Variants in FASTKD1 observed in about 807,000 individuals in gnomAD.
FASTKD1 encodes the protein FAST kinase domain-containing protein 1, mitochondrial.
A neutral mutation model predicts 90.9 loss-of-function variants in FASTKD1; 94 were observed. The ratio of observed to expected loss-of-function variants is 1.03; its 90% CI spans 0.88 to 1.23. The LOEUF is 1.23. Among genes scored for constraint, FASTKD1 ranks in the 50% most tolerant of loss-of-function variants. The probability of loss-of-function intolerance (pLI) is 0.00; values close to 1 mark genes in which losing one functional copy is unlikely to be tolerated. For missense variants in FASTKD1, 945 were observed against 993.5 expected (o/e 0.95, Z 0.66); for synonymous variants, 319 against 345.8 (o/e 0.92, Z 0.86).
chr2:169,566,443 A>C (rs1683990872), intron 3 of FASTKD1, among the ~76,000 whole-genome samples: 2 of 152,284 alleles, frequency 1.3e-5, no homozygotes, highest in South Asian at 2.1e-4. Context: ...TATAATAGAA[A>C]GTTTTTTAAA....
chr2:169,562,234 T>G (rs1380847413), intron 4 of FASTKD1, among the ~76,000 whole-genome samples: 1 of 151,706 alleles, frequency 6.6e-6, no homozygotes, highest in African/African-American at 2.4e-5. Context: ...TTTTTCGTTT[T>G]TTGTTATTGT....
At chr2:169,561,259 G>A (rs966852869) in intron 4 of FASTKD1, among the ~76,000 whole-genome samples, 3 of 151,236 alleles carry the variant, frequency 2.0e-5, no homozygotes, top group African/African-American at 7.3e-5. Context: ...TCCAGTCAGG[G>A]AAACAGAGGG....
chr2:169,563,273 T>C lies in FASTKD1; in HGVS notation c.524A>G (p.Lys175Arg). The C allele has an allele frequency of 6.2e-7, 1 of 1,612,370 alleles. No individual in the cohort carries two copies. The highest frequency in any genetic ancestry group is 8.5e-7 in the Non-Finnish European group (1 of 1,179,556). Residue 175 changes from lysine to arginine, a missense_variant, in exon 4 of 15, where the codon AAA becomes AGA. Physicochemically the swap from Lys to Arg is conservative, Grantham distance 26 (BLOSUM62 2). Transcript: ENST00000453153. ...GTTCCTATGAACAATATCAGCTATT[T>C]TTCCCATTAATGGACTAAAATACAA... ...QHLYFSPLMG[K>R]IADIVHRNLE...
intron 7 of FASTKD1, among the ~76,000 whole-genome samples, chr2:169,549,076 G>A (rs375179144): frequency 2.5e-4 from 36 of 144,758 alleles, no homozygotes; most frequent in South Asian, 1.1e-3. Flanking sequence ...CAGCCTGGGC[G>A]ACAGAGCGAG....
At chr2:169,532,858 A>G (rs1684551839) in intron 12 of FASTKD1, among the ~76,000 whole-genome samples, 2 of 152,204 alleles carry the variant, frequency 1.3e-5, no homozygotes, top group African/African-American at 4.8e-5. Flanking sequence ...CGTATGAGGA[A>G]TAGGTTCCAC....
At chr2:169,570,493 T>C (rs1378113606) in intron 2 of FASTKD1, among the ~76,000 whole-genome samples, 1 of 152,182 alleles carries the variant, frequency 6.6e-6, no homozygotes, top group African/African-American at 2.4e-5. Context: ...TGTTATCAAA[T>C]ATAAATGAAT....
intron 6 of FASTKD1, 25 bp from the exon 7 acceptor site, chr2:169,555,280 T>C: frequency 1.3e-6 from 2 of 1,582,810 alleles, no homozygotes; most frequent in Non-Finnish European, 1.7e-6. Flanking sequence ...GCATATATTA[T>C]AACCAGTTCA....
intron 3 of FASTKD1, among the ~76,000 whole-genome samples, chr2:169,565,889 T>C (rs1354083892): frequency 6.6e-6 from 1 of 152,198 alleles, no homozygotes. Context: ...ATTTTAACTG[T>C]GGTGAGATGA....
Position 169,531,456 on chromosome 2 carries a change from A to T in FASTKD1, c.2223T>A (p.Pro741=). 1 of 1,610,358 alleles carries T rather than the reference A, an allele frequency of 6.2e-7. No individual in the cohort carries two copies. The highest frequency in any genetic ancestry group is 8.5e-7 in the Non-Finnish European group (1 of 1,179,150). Residue 741 remains proline, a synonymous_variant, in exon 13 of 15, where the codon CCT becomes CCA. Coordinates refer to ENST00000453153, the MANE Select transcript of FASTKD1 (RefSeq NM_024622.6). ...FECILDKRKK[P]LPYGSHNIAL... ...CTATATTATGGCTTCCATACGGAAG[A>T]GGTTTTTTTCTTTTATCCAAGATAC...
chr2:169,562,404 G>T (rs942777517), intron 4 of FASTKD1, among the ~76,000 whole-genome samples: 2 of 151,668 alleles, frequency 1.3e-5, no homozygotes, highest in African/African-American at 4.8e-5. Context: ...AGCTAATTTT[G>T]TATTTTTTGT....
intron 7 of FASTKD1, among the ~76,000 whole-genome samples, 179 bp from the exon 8 acceptor site, chr2:169,546,883 G>A (rs957137946): frequency 6.6e-6 from 1 of 152,112 alleles, no homozygotes; most frequent in Non-Finnish European, 1.5e-5. Context: ...GAAGACTTCT[G>A]TGACCAAATG....
rs564745558 is a variant in FASTKD1 at position 169,569,350 on chromosome 2, T to C, written c.378-98A>G. The C allele has an allele frequency of 3.6e-5, 42 of 1,159,944 alleles. No homozygotes were observed. The East Asian group carries it at 9.1e-4, about 25-fold the overall frequency. The allele number at this position is 1,159,944 out of a possible 1,614,324, so 71.9% of individuals were successfully genotyped here. On this transcript the variant is annotated intron_variant, in intron 2 of 14. Coordinates refer to ENST00000453153, the MANE Select transcript of FASTKD1 (RefSeq NM_024622.6). ...TAATGCAAAAGTGAAACTCAAGTTA[T>C]TTTCCTCTTATACAGGCAGTCCTTA...
At position 169,541,741 on chromosome 2, in the gene FASTKD1, T is replaced by C. The variant is rs79142104; in HGVS notation, c.1817-1562A>G. On this transcript the variant is annotated intron_variant, in intron 9 of 14. Coordinates refer to ENST00000453153, the MANE Select transcript of FASTKD1 (RefSeq NM_024622.6). ...CATGTTATGCTGGATATGGAAGCTC[T>C]CAGTATCTGTTGCTTGGTAGATAAC... Among the ~76,000 whole-genome samples, 5 of 152,332 alleles carry C rather than the reference T, an allele frequency of 3.3e-5. No homozygotes were observed. In the East Asian group the frequency reaches 9.6e-4, roughly 29 times the overall value.
rs765012959 is a variant in FASTKD1 at position 169,557,291 on chromosome 2, T to C, written c.978A>G (p.Lys326=). The change falls in exon 6 of 15, where the codon AAA becomes AAG. Residue 326 remains lysine (K), a synonymous_variant. Coordinates refer to ENST00000453153, the MANE Select transcript of FASTKD1 (RefSeq NM_024622.6). ...IAGPEEKKQL[K]STMLLMSEDL... ...CCTCTGACATCAATAACATAGTTGA[T>C]TTAAGTCTAGAAGCAAAAAAAAAAA... The C allele has an allele frequency of 1.0e-5, 16 of 1,580,636 alleles. No homozygotes were observed. The Admixed American group carries it at 3.1e-4, about 31-fold the overall frequency.
At chr2:169,548,592 C>T (rs949706687) in intron 7 of FASTKD1, among the ~76,000 whole-genome samples, 49 of 151,558 alleles carry the variant, frequency 3.2e-4, no homozygotes, top group African/African-American at 1.1e-3. Context: ...ATTAGCCGGG[C>T]GTGGTGGCAC....
intron 12 of FASTKD1, among the ~76,000 whole-genome samples, chr2:169,533,224 A>G (rs1288635330): frequency 1.3e-5 from 2 of 152,246 alleles, no homozygotes; most frequent in Non-Finnish European, 2.9e-5. Flanking sequence ...TAATGGTTAT[A>G]GGATGATAAA....
rs1254089330 is a variant in FASTKD1, at chr2:169,538,713, T to C, written c.1946-572A>G. 2.7e-5 allele frequency among the ~76,000 whole-genome samples: 4 copies of C among 150,736 alleles called. 1 individual carries two copies. The Middle Eastern group carries it at 0.01, about 395-fold the overall frequency. On this transcript the variant is annotated intron_variant, in intron 10 of 14. Transcript: ENST00000453153. Reference sequence around the variant, plus strand: ...AAAAAAAAAATACTCCCAAGATTTTTCATTCACCTAATATTCCACACTTAG... The same window carrying C: ...AAAAAAAAAATACTCCCAAGATTTTCCATTCACCTAATATTCCACACTTAG...
At position 169,546,682 on chromosome 2, in the gene FASTKD1, G is replaced by C. The variant is rs200621413; in HGVS notation, c.1237C>G (p.Pro413Ala). The change falls in exon 8 of 15, where the codon CCA (proline) becomes GCA (alanine). Residue 413 changes from proline to alanine, a missense_variant. Transcript: ENST00000453153. ...LLSYLKNSFI[P>A]TEVSVLVRAI... ...CGGACCAGAACAGACACCTCAGTTG[G>C]TATGAAACTATTTTTCAAATAACTG... 2.2e-5 allele frequency: 35 copies of C among 1,593,282 alleles called. No homozygotes were observed. In the East Asian group the frequency reaches 7.8e-4, roughly 36 times the overall value.
chr2:169,540,084 TG>T lies in FASTKD1; in HGVS notation c.1911del (p.Lys638AsnfsTer3). 1 of 1,605,518 alleles carries T rather than the reference TG, an allele frequency of 6.2e-7. No homozygotes were observed. The highest frequency in any genetic ancestry group is 2.2e-5 in the East Asian group (1 of 44,702). The stretch of plus-strand genomic sequence containing the variant: ...TGAGAATCCAATCTAGCTAAGAATT[TG>T]ATGTTAAAAATTGCCTTTAGCAGAT... ...PEDLLKAIFN[I>X]KFLARLDSQL... On this transcript the variant is annotated frameshift_variant, in exon 10 of 15. Coordinates refer to ENST00000453153, the MANE Select transcript of FASTKD1 (RefSeq NM_024622.6). LOFTEE classifies it high-confidence loss of function.
Sources: gnomAD v4.1 joint callset for allele counts (sites outside exome capture counted in the v4.1 genomes callset) on GRCh38, gnomAD v4.1.1 for gene constraint, MANE v1.5 for transcripts, NCBI Gene and HGNC (gene_info 2026-07-23, HGNC 2026-07-21) for gene names.